The following EIF2S2 variants were observed in gnomAD, a reference collection of about 807,000 sequenced individuals.
EIF2S2 encodes the protein eukaryotic translation initiation factor 2 subunit 2.
Under a neutral mutation model 44.0 loss-of-function variants are expected in EIF2S2, and 4 were observed. That is an observed-to-expected ratio of 0.09 (90% CI 0.04 to 0.21). The LOEUF is 0.21. Among genes scored for constraint, EIF2S2 ranks in the 10% least tolerant of loss-of-function variants. EIF2S2 has a pLI of 1.00. For synonymous variants in EIF2S2, 108 were observed against 128.3 expected, an observed-to-expected ratio of 0.84 and a Z score of 1.07; for missense variants, 154 against 392.0, an observed-to-expected ratio of 0.39 and a Z score of 5.13.
intron 2 of EIF2S2, among the ~76,000 whole-genome samples, chr20:34,104,318 T>A (rs1027110120): frequency 2.0e-5 from 3 of 152,166 alleles, no homozygotes; most frequent in Admixed American, 2.0e-4. Flanking sequence ...TACCTCCATC[T>A]CACAGGATCT....
At chr20:34,103,710 C>CT (rs869170048) in intron 2 of EIF2S2, 145 bp from the exon 3 acceptor site, 79,032 of 928,370 alleles carry the variant, frequency 0.085, no homozygotes, top group Non-Finnish European at 0.094. Context: ...ACTTATGGTT[C>CT]TTTTTTTTTT....
At chr20:34,095,684 T>C (rs2034220061) in intron 6 of EIF2S2, among the ~76,000 whole-genome samples, 1 of 152,216 alleles carries the variant, frequency 6.6e-6, no homozygotes, top group Admixed American at 6.5e-5. Context: ...TCTTCTAATT[T>C]TTCTACAATG....
At chr20:34,099,851 T>G (rs2122416241) in intron 3 of EIF2S2, among the ~76,000 whole-genome samples, 1 of 152,220 alleles carries the variant, frequency 6.6e-6, no homozygotes, top group South Asian at 2.1e-4. Flanking sequence ...GGACAAGTTA[T>G]GGGGGTGGGA....
chr20:34,110,365 C>G (rs2034399004), intron 1 of EIF2S2, among the ~76,000 whole-genome samples: 1 of 152,142 alleles, frequency 6.6e-6, no homozygotes, highest in African/African-American at 2.4e-5. Flanking sequence ...CTTCATACCC[C>G]TCTCTACTCC....
intron 7 of EIF2S2, among the ~76,000 whole-genome samples, chr20:34,091,733 AC>A (rs1601529328): frequency 7.3e-5 from 7 of 96,516 alleles, no homozygotes; most frequent in South Asian, 4.3e-4. Flanking sequence ...AAAAAAAAAA[AC>A]CCCATTGGAT....
chr20:34,097,608 A>T, intron 4 of EIF2S2, 92 bp from the exon 5 acceptor site: 4 of 967,374 alleles, frequency 4.1e-6, no homozygotes, highest in Non-Finnish European at 6.2e-6. Context: ...TTTCAAAGAC[A>T]TCTGTCTTCC....
At chr20:34,101,299 C>T (rs1568716524) in intron 3 of EIF2S2, among the ~76,000 whole-genome samples, 1 of 152,148 alleles carries the variant, frequency 6.6e-6, no homozygotes, top group Non-Finnish European at 1.5e-5. Flanking sequence ...CAAAAATAGC[C>T]CAGCGTGGTG....
At chr20:34,095,102 C>A (rs927173733) in intron 6 of EIF2S2, among the ~76,000 whole-genome samples, 1 of 152,138 alleles carries the variant, frequency 6.6e-6, no homozygotes, top group African/African-American at 2.4e-5. Context: ...TAATAAAAAC[C>A]TGGGAGCAGC....
chr20:34,097,006 T>C (rs1389386632), intron 5 of EIF2S2, among the ~76,000 whole-genome samples: 1 of 152,228 alleles, frequency 6.6e-6, no homozygotes. Context: ...CAGCAACTCC[T>C]TGTCCAAAGT....
chr20:34,105,148 A>T (rs909691112), intron 2 of EIF2S2, among the ~76,000 whole-genome samples: 5 of 152,222 alleles, frequency 3.3e-5, no homozygotes, highest in Non-Finnish European at 5.9e-5. Context: ...GCTCTGGAAC[A>T]GCAAGGTTTC....
intron 1 of EIF2S2, among the ~76,000 whole-genome samples, chr20:34,109,576 CCT>C (rs898461789): frequency 7.2e-5 from 11 of 151,890 alleles, no homozygotes; most frequent in South Asian, 2.1e-4. Flanking sequence ...AGGAGGATCC[CCT>C]GAGCCCAGGT....
intron 7 of EIF2S2, among the ~76,000 whole-genome samples, chr20:34,091,073 T>C (rs2034156956): frequency 6.6e-6 from 1 of 152,152 alleles, no homozygotes; most frequent in African/African-American, 2.4e-5. Flanking sequence ...TTTAATTAAA[T>C]AGTTTGCGTC....
At position 34,103,453 on chromosome 20, in the gene EIF2S2, C is replaced by A. The variant is rs1302709312; in HGVS notation, c.297+9G>T. 4.4e-5 allele frequency: 68 copies of A among 1,545,170 alleles called. No individual in the cohort carries two copies. Among genetic ancestry groups the A allele is most frequent in the Non-Finnish European group, 6.0e-5 (68 of 1,141,098 alleles). On this transcript the variant is annotated intron_variant, in intron 3 of 8. Transcript: ENST00000374980. ...TCAAATTTTACCTTCAACAAGAAAG[C>A]AATACTACCTTTACACCTTCTTCAG...
intron 1 of EIF2S2, among the ~76,000 whole-genome samples, chr20:34,110,994 T>C (rs2034405756): frequency 6.6e-6 from 1 of 152,214 alleles, no homozygotes; most frequent in East Asian, 1.9e-4. Flanking sequence ...AACACTCAAA[T>C]TTTTCATCTC....
rs1555812045 is a variant in EIF2S2, at chr20:34,091,769, A to ATTT, written c.741-1170_741-1168dup. Among the ~76,000 whole-genome samples, 43 of 33,836 alleles carry ATTT rather than the reference A, an allele frequency of 1.3e-3. 2 individuals carry two copies. The highest frequency in any genetic ancestry group is 4.0e-3 in the East Asian group (2 of 494). The allele number at this position is 33,836 out of a possible 152,430, so 22.2% of individuals were successfully genotyped here. ...TTGTATATATTATTTATATATATTT[A>ATTT]TTTTTTTGGGGGGGGGGGGTCCAAG... is the stretch of plus-strand genomic sequence containing the variant. On this transcript the variant is annotated intron_variant, in intron 7 of 8. Coordinates refer to ENST00000374980, the MANE Select transcript of EIF2S2 (RefSeq NM_003908.5).
chr20:34,091,441 T>G (rs547863462), intron 7 of EIF2S2, among the ~76,000 whole-genome samples: 74 of 152,102 alleles, frequency 4.9e-4, no homozygotes, highest in African/African-American at 1.8e-3. Context: ...TGGGGCCAGG[T>G]GTGGTGGCTC....
chr20:34,103,324 A>C (rs1051088178), intron 3 of EIF2S2, 138 bp downstream of exon 3: 8 of 1,200,200 alleles, frequency 6.7e-6, no homozygotes, highest in Non-Finnish European at 3.4e-6. Context: ...ACTCCCAAGA[A>C]AATGACGCTA....
At chr20:34,103,408 A>C in intron 3 of EIF2S2, 54 bp downstream of exon 3, 1 of 1,489,454 alleles carries the variant, frequency 6.7e-7, no homozygotes, top group Non-Finnish European at 9.0e-7. Context: ...AACATCAGCC[A>C]TTAGCAACCT....
intron 3 of EIF2S2, among the ~76,000 whole-genome samples, chr20:34,100,563 T>TTACCAG (rs1252642843): frequency 6.6e-6 from 1 of 151,978 alleles, no homozygotes; most frequent in Non-Finnish European, 1.5e-5. Flanking sequence ...TTCAGAAATC[T>TTACCAG]CATTAGCGTA....
Sources: allele counts gnomAD v4.1 joint callset (sites outside exome capture counted in the v4.1 genomes callset), GRCh38; gene constraint gnomAD v4.1.1; transcripts MANE v1.5; gene names NCBI Gene and HGNC (gene_info 2026-07-23, HGNC 2026-07-21).